Variants in ERBB4 observed in about 807,000 individuals in gnomAD.
The protein encoded by ERBB4 is receptor tyrosine-protein kinase erbB-4.
ERBB4 carries 42 observed loss-of-function variants against 158.0 expected under a neutral mutation model. The ratio of observed to expected loss-of-function variants is 0.27; its 90% confidence interval spans 0.21 to 0.34. The LOEUF is 0.34. Ranked by LOEUF, ERBB4 falls within the 10% of genes least tolerant of loss-of-function variation. ERBB4 has a pLI of 1.00. For missense variants in ERBB4, 1,333 were observed against 1,624.1 expected (o/e 0.82, Z 3.08); for synonymous variants, 583 against 558.7 (o/e 1.04, Z -0.61).
intron 1 of ERBB4, among the ~76,000 whole-genome samples, chr2:212,140,439 T>C (rs1575691504): frequency 1.4e-5 from 2 of 147,630 alleles, no homozygotes; most frequent in South Asian, 4.2e-4. Flanking sequence ...TATATACATA[T>C]CATATATATT....
intron 2 of ERBB4, among the ~76,000 whole-genome samples, chr2:211,996,701 C>A (rs1208276383): frequency 6.6e-6 from 1 of 152,174 alleles, no homozygotes; most frequent in East Asian, 1.9e-4. Flanking sequence ...TGTTCCCTGG[C>A]TTTGCTGCAT....
chr2:211,865,866 TAAG>T (rs746694380), intron 3 of ERBB4, among the ~76,000 whole-genome samples: 324 of 152,276 alleles, frequency 2.1e-3, no homozygotes, highest in Non-Finnish European at 3.5e-3. Context: ...TTATACTACT[TAAG>T]AAGAAAATGA....
intron 20 of ERBB4, among the ~76,000 whole-genome samples, chr2:211,477,829 G>A (rs1277810057): frequency 1.3e-5 from 2 of 152,012 alleles, no homozygotes; most frequent in African/African-American, 4.8e-5. Context: ...TTGCCTTTGT[G>A]GAACGACTGA....
chr2:212,123,153 G>A (rs2079808706), intron 2 of ERBB4, among the ~76,000 whole-genome samples: 1 of 152,190 alleles, frequency 6.6e-6, no homozygotes, highest in South Asian at 2.1e-4. Context: ...TGTAATCCCA[G>A]CACTTTGGGA....
intron 1 of ERBB4, among the ~76,000 whole-genome samples, chr2:212,444,105 C>T (rs536119669): frequency 3.9e-5 from 6 of 152,300 alleles, no homozygotes; most frequent in Non-Finnish European, 7.4e-5. Flanking sequence ...CTCCTGCTAC[C>T]CTCCTCCTCT....
At chr2:212,083,315 G>A (rs911991877) in intron 2 of ERBB4, among the ~76,000 whole-genome samples, 1 of 151,914 alleles carries the variant, frequency 6.6e-6, no homozygotes, top group African/African-American at 2.4e-5. Context: ...ATTATTCTCA[G>A]ATGGTGGGAA....
chr2:211,801,032 T>C (rs1559529858), intron 3 of ERBB4, among the ~76,000 whole-genome samples: 1 of 152,198 alleles, frequency 6.6e-6, no homozygotes, highest in East Asian at 1.9e-4. Context: ...TCTAAAAATA[T>C]AAAATTGATA....
chr2:211,598,003 CT>C (rs1306537624), intron 19 of ERBB4, among the ~76,000 whole-genome samples: 1 of 152,016 alleles, frequency 6.6e-6, no homozygotes, highest in Non-Finnish European at 1.5e-5. Context: ...TTTTGTATGT[CT>C]GTGGGGAATA....
At chr2:211,920,448 G>C (rs1277195886) in intron 3 of ERBB4, among the ~76,000 whole-genome samples, 1 of 151,918 alleles carries the variant, frequency 6.6e-6, no homozygotes, top group Admixed American at 6.6e-5. Context: ...ATGCTGAAAG[G>C]TGGTACTTTT....
At chr2:211,925,173 C>T (rs891530218) in intron 3 of ERBB4, among the ~76,000 whole-genome samples, 3 of 152,058 alleles carry the variant, frequency 2.0e-5, no homozygotes, top group African/African-American at 7.2e-5. Flanking sequence ...TAACAGCCAT[C>T]CACTTAGGAG....
intron 1 of ERBB4, among the ~76,000 whole-genome samples, chr2:212,255,707 G>A (rs2084703975): frequency 6.6e-6 from 1 of 152,148 alleles, no homozygotes; most frequent in Non-Finnish European, 1.5e-5. Context: ...TCCTTTGAAT[G>A]TCACATTGGT....
At chr2:212,078,521 A>G (rs1289613416) in intron 2 of ERBB4, among the ~76,000 whole-genome samples, 10 of 152,024 alleles carry the variant, frequency 6.6e-5, no homozygotes, top group Admixed American at 6.6e-4. Flanking sequence ...AATAAAAATT[A>G]TCTTTGCAAG....
chr2:211,668,165 G>A (rs2071700509), intron 14 of ERBB4, among the ~76,000 whole-genome samples: 1 of 152,142 alleles, frequency 6.6e-6, no homozygotes, highest in African/African-American at 2.4e-5. Context: ...TGTAGAAAGG[G>A]TACAGTAAAG....
chr2:212,130,298 G>A (rs774654822), intron 1 of ERBB4, among the ~76,000 whole-genome samples: 2 of 152,090 alleles, frequency 1.3e-5, no homozygotes, highest in Non-Finnish European at 2.9e-5. Flanking sequence ...AAAGCTGGAT[G>A]TGAGGTCCTA....
chr2:211,929,951 GTCT>G (rs1259729182), intron 3 of ERBB4, among the ~76,000 whole-genome samples: 3 of 151,830 alleles, frequency 2.0e-5, no homozygotes, highest in African/African-American at 7.3e-5. Flanking sequence ...TCTCTCTCTG[GTCT>G]TCTTATTTGC....
At chr2:211,388,571 T>G (rs2062736132) in intron 25 of ERBB4, among the ~76,000 whole-genome samples, 1 of 151,724 alleles carries the variant, frequency 6.6e-6, no homozygotes, top group Non-Finnish European at 1.5e-5. Context: ...ACATTTTTTT[T>G]GTTTTTTTTT....
At chr2:212,176,724 A>G (rs1312789959) in intron 1 of ERBB4, among the ~76,000 whole-genome samples, 3 of 151,964 alleles carry the variant, frequency 2.0e-5, no homozygotes, top group Admixed American at 6.6e-5. Flanking sequence ...CAATGACTTT[A>G]TTAGGTGTCC....
intron 1 of ERBB4, among the ~76,000 whole-genome samples, chr2:212,258,234 A>G (rs2084810560): frequency 3.3e-5 from 5 of 152,006 alleles, no homozygotes; most frequent in Admixed American, 3.3e-4. Flanking sequence ...TTGCAAAATA[A>G]TATTTTCATG....
intron 1 of ERBB4, among the ~76,000 whole-genome samples, chr2:212,203,930 T>C (rs890810713): frequency 6.6e-6 from 1 of 152,248 alleles, no homozygotes; most frequent in African/African-American, 2.4e-5. Flanking sequence ...ACTAAGTCAC[T>C]TGACTGAAAA....
Sources: allele counts gnomAD v4.1 joint callset (sites outside exome capture counted in the v4.1 genomes callset), GRCh38; gene constraint gnomAD v4.1.1; transcripts MANE v1.5; gene names NCBI Gene and HGNC (gene_info 2026-07-23, HGNC 2026-07-21).